The following MAGI1 variants were observed in gnomAD, a reference collection of about 807,000 sequenced individuals.
MAGI1 encodes membrane-associated guanylate kinase, WW and PDZ domain-containing protein 1.
A neutral mutation model predicts 139.9 loss-of-function variants in MAGI1; 58 were observed. That is an observed-to-expected ratio of 0.41 (90% CI 0.34 to 0.52). MAGI1 has a LOEUF of 0.52. MAGI1 is among the 20% of genes least tolerant of loss of function. MAGI1 has a pLI of 0.12. For missense variants in MAGI1, 1,874 were observed against 1,901.6 expected, an observed-to-expected ratio of 0.99 and a Z score of 0.27; for synonymous variants, 812 against 737.9, an observed-to-expected ratio of 1.10 and a Z score of -1.63.
chr3:65,509,255 T>C (rs1035995748), intron 2 of MAGI1, among the ~76,000 whole-genome samples: 1 of 152,194 alleles, frequency 6.6e-6, no homozygotes, highest in South Asian at 2.1e-4. Flanking sequence ...GCTCCTAATC[T>C]CAACACATAA....
intron 12 of MAGI1, among the ~76,000 whole-genome samples, chr3:65,421,777 T>A (rs191443968): frequency 1.1e-4 from 17 of 152,218 alleles, no homozygotes; most frequent in Non-Finnish European, 2.4e-4. Context: ...CATGCCAGGA[T>A]TGAGAAAGTG....
At chr3:65,876,077 G>C (rs1280525618) in intron 1 of MAGI1, among the ~76,000 whole-genome samples, 2 of 151,626 alleles carry the variant, frequency 1.3e-5, no homozygotes, top group Non-Finnish European at 2.9e-5. Context: ...TTTCAGTTTT[G>C]CTGGAGAGTT....
chr3:65,760,387 A>C (rs2036915802), intron 1 of MAGI1, among the ~76,000 whole-genome samples: 1 of 136,282 alleles, frequency 7.3e-6, no homozygotes, highest in Admixed American at 8.5e-5. Context: ...ACAGAGCGGT[A>C]ATTTTTTTTT....
intron 12 of MAGI1, among the ~76,000 whole-genome samples, chr3:65,414,617 T>G (rs973746573): frequency 3.9e-5 from 6 of 152,162 alleles, no homozygotes; most frequent in Non-Finnish European, 8.8e-5. Context: ...GATTTTACAT[T>G]TCATAAGCCA....
chr3:65,726,097 G>A (rs1314292937), intron 1 of MAGI1, among the ~76,000 whole-genome samples: 1 of 152,132 alleles, frequency 6.6e-6, no homozygotes, highest in South Asian at 2.1e-4. Context: ...AAGACTTGTT[G>A]AGATTAAATG....
chr3:65,917,742 C>T (rs190919188), intron 1 of MAGI1, among the ~76,000 whole-genome samples: 4 of 152,188 alleles, frequency 2.6e-5, no homozygotes, highest in Admixed American at 1.3e-4. Context: ...AAAGGCAAAA[C>T]GATGGAGACA....
intron 1 of MAGI1, among the ~76,000 whole-genome samples, chr3:65,936,783 G>C (rs926137688): frequency 6.6e-6 from 1 of 152,096 alleles, no homozygotes; most frequent in African/African-American, 2.4e-5. Context: ...CGAGGCTGGA[G>C]TACAGTAGCA....
At chr3:65,762,634 T>G (rs2037127938) in intron 1 of MAGI1, among the ~76,000 whole-genome samples, 1 of 152,178 alleles carries the variant, frequency 6.6e-6, no homozygotes, top group Non-Finnish European at 1.5e-5. Flanking sequence ...TTACTTTGTT[T>G]CTATTTGTTT....
intron 1 of MAGI1, among the ~76,000 whole-genome samples, chr3:65,725,547 G>T (rs575690301): frequency 6.6e-6 from 1 of 152,114 alleles, no homozygotes; most frequent in African/African-American, 2.4e-5. Flanking sequence ...GCTGGGGCTC[G>T]ACAACTTGGT....
chr3:65,998,092 G>T (rs2066551435), intron 1 of MAGI1, among the ~76,000 whole-genome samples: 1 of 148,300 alleles, frequency 6.7e-6, no homozygotes, highest in African/African-American at 2.5e-5. Flanking sequence ...GACAGAGCTA[G>T]ACTCTGTCTC....
At chr3:65,857,242 A>G (rs1256908703) in intron 1 of MAGI1, among the ~76,000 whole-genome samples, 2 of 152,258 alleles carry the variant, frequency 1.3e-5, no homozygotes, top group Non-Finnish European at 2.9e-5. Context: ...GAGAAAAGAA[A>G]CATGAGAGAG....
At chr3:65,858,507 AT>A (rs1169696007) in intron 1 of MAGI1, among the ~76,000 whole-genome samples, 1 of 152,226 alleles carries the variant, frequency 6.6e-6, no homozygotes, top group East Asian at 1.9e-4. Flanking sequence ...AAGAACCAAG[AT>A]TTTCAAAGTT....
intron 12 of MAGI1, among the ~76,000 whole-genome samples, chr3:65,416,841 A>C (rs767345967): frequency 4.6e-5 from 7 of 152,182 alleles, no homozygotes; most frequent in Non-Finnish European, 1.0e-4. Flanking sequence ...GTTCACAAAT[A>C]GGGGACATGA....
chr3:65,805,793 T>C (rs991943198), intron 1 of MAGI1, among the ~76,000 whole-genome samples: 62 of 152,246 alleles, frequency 4.1e-4, no homozygotes, highest in African/African-American at 1.3e-3. Flanking sequence ...TGGAGGGACA[T>C]AGATGGAGCT....
intron 1 of MAGI1, among the ~76,000 whole-genome samples, chr3:65,859,965 G>C (rs955082146): frequency 3.3e-5 from 5 of 150,580 alleles, no homozygotes; most frequent in African/African-American, 1.2e-4. Flanking sequence ...GCGCGATCTC[G>C]GCTCACTGCA....
intron 2 of MAGI1, among the ~76,000 whole-genome samples, chr3:65,611,622 A>G (rs2083125407): frequency 9.0e-6 from 1 of 110,790 alleles, no homozygotes; most frequent in South Asian, 2.5e-4. Context: ...ATACTAGTAT[A>G]TACAGTATAT....
chr3:65,728,169 T>C (rs2107717794), intron 1 of MAGI1, among the ~76,000 whole-genome samples: 1 of 152,234 alleles, frequency 6.6e-6, no homozygotes, highest in South Asian at 2.1e-4. Context: ...TCTGGGACCA[T>C]GAGAAGGCAT....
At chr3:65,736,609 G>A (rs577026195) in intron 1 of MAGI1, among the ~76,000 whole-genome samples, 6 of 152,144 alleles carry the variant, frequency 3.9e-5, no homozygotes, top group South Asian at 2.1e-4. Flanking sequence ...TCCAGAGACC[G>A]AAGACCCAGA....
At chr3:65,979,096 C>CT (rs1553742308) in intron 1 of MAGI1, among the ~76,000 whole-genome samples, 1 of 60,392 alleles carries the variant, frequency 1.7e-5, no homozygotes, top group Non-Finnish European at 3.9e-5. Flanking sequence ...CTTCCCCCCC[C>CT]CCGCCACCCC....
Sources: allele counts gnomAD v4.1 joint callset (sites outside exome capture counted in the v4.1 genomes callset), GRCh38; gene constraint gnomAD v4.1.1; transcripts MANE v1.5; gene names NCBI Gene and HGNC (gene_info 2026-07-23, HGNC 2026-07-21).